Variants in RABGAP1L observed in about 807,000 individuals in gnomAD.
The protein encoded by RABGAP1L is RAB GTPase activating protein 1 like, also known as rab GTPase-activating protein 1-like.
RABGAP1L carries 63 observed loss-of-function variants against 137.7 expected under a neutral mutation model. The observed-to-expected ratio is 0.46, with a 90% CI of 0.37 to 0.56. The LOEUF is 0.56. Ranked by LOEUF, RABGAP1L falls within the 20% of genes least tolerant of loss-of-function variation. The pLI is 0.00. For missense variants in RABGAP1L, 1,095 were observed against 1,244.0 expected (o/e 0.88, Z 1.80); for synonymous variants, 431 against 433.7 (o/e 0.99, Z 0.08).
chr1:174,340,330 G>T (rs1446056376), intron 11 of RABGAP1L, among the ~76,000 whole-genome samples: 2 of 151,930 alleles, frequency 1.3e-5, no homozygotes, highest in East Asian at 3.8e-4. Flanking sequence ...CAACTTTTAA[G>T]TTCTGGGGTA....
intron 8 of RABGAP1L, among the ~76,000 whole-genome samples, chr1:174,273,807 C>A (rs1674749659): frequency 6.6e-6 from 1 of 152,078 alleles, no homozygotes; most frequent in Non-Finnish European, 1.5e-5. Flanking sequence ...TTCTGAGGCC[C>A]CTTCACTATG....
At chr1:174,825,457 T>C (rs1691470392) in intron 19 of RABGAP1L, among the ~76,000 whole-genome samples, 2 of 152,250 alleles carry the variant, frequency 1.3e-5, no homozygotes, top group South Asian at 2.1e-4. Context: ...TCTTACAAAA[T>C]TGGTTCCTGA....
chr1:174,694,305 C>T (rs1329695064), intron 15 of RABGAP1L, among the ~76,000 whole-genome samples: 8 of 151,488 alleles, frequency 5.3e-5, no homozygotes, highest in African/African-American at 1.2e-4. Context: ...CCCACTAACT[C>T]GTCATCTAGC....
chr1:174,945,700 A>G (rs1666625379), intron 19 of RABGAP1L: 1 of 152,200 alleles, frequency 6.6e-6, no homozygotes, highest in South Asian at 2.1e-4. Flanking sequence ...ATTTGTACAA[A>G]TCCATAAGGG....
At chr1:174,466,614 C>T (rs977238143) in intron 13 of RABGAP1L, among the ~76,000 whole-genome samples, 13 of 152,150 alleles carry the variant, frequency 8.5e-5, no homozygotes, top group Admixed American at 7.2e-4. Context: ...TGGTGAAACC[C>T]TGTCTCTACT....
chr1:174,665,449 G>GCCCCT (rs1448622840), intron 14 of RABGAP1L, among the ~76,000 whole-genome samples: 18 of 55,454 alleles, frequency 3.2e-4, no homozygotes, highest in African/African-American at 1.3e-3. Context: ...GCCCCGCCCC[G>GCCCCT]CCTCGCCTTG....
rs1341739489 is a variant in RABGAP1L, at chr1:174,989,832, T to A, written c.3004-17T>A. 6.5e-7 allele frequency: 1 copy of A among 1,546,788 alleles called. No individual in the cohort carries two copies. Among genetic ancestry groups the A allele is most frequent in the Non-Finnish European group, 8.7e-7 (1 of 1,144,672 alleles). On this transcript the variant is annotated splice_polypyrimidine_tract_variant and intron_variant, in intron 25 of 25. Transcript: ENST00000681986. ...AAAACATTTATTTAACTCAGATGAT[T>A]TTCTTGCTTTAATTAGGAACTTGAA...
intron 13 of RABGAP1L, among the ~76,000 whole-genome samples, chr1:174,582,268 A>G (rs1668802110): frequency 1.3e-5 from 2 of 152,194 alleles, no homozygotes; most frequent in African/African-American, 4.8e-5. Flanking sequence ...CCTGGGCAAC[A>G]GAGTAAGACT....
intron 13 of RABGAP1L, among the ~76,000 whole-genome samples, chr1:174,423,444 T>C (rs12061782): frequency 0.12 from 18,485 of 151,964 alleles, 3,773 homozygotes; most frequent in African/African-American, 0.42. Context: ...TTTATTCTGT[T>C]CTGGAAAATG....
At chr1:174,207,247 A>G (rs1359033289) in intron 1 of RABGAP1L, among the ~76,000 whole-genome samples, 3 of 152,172 alleles carry the variant, frequency 2.0e-5, no homozygotes, top group African/African-American at 7.2e-5. Flanking sequence ...GCAGTTTTGC[A>G]TTTGTACACT....
intron 1 of RABGAP1L, among the ~76,000 whole-genome samples, chr1:174,211,619 T>G (rs569022466): frequency 6.6e-6 from 1 of 152,264 alleles, no homozygotes; most frequent in African/African-American, 2.4e-5. Flanking sequence ...GAGTAAGTCC[T>G]TACTTATCAG....
chr1:174,597,483 T>C (rs1670046580), intron 13 of RABGAP1L, among the ~76,000 whole-genome samples: 1 of 152,130 alleles, frequency 6.6e-6, no homozygotes, highest in Non-Finnish European at 1.5e-5. Flanking sequence ...TCTTCTAGGT[T>C]TTCTGATTTA....
intron 11 of RABGAP1L, among the ~76,000 whole-genome samples, chr1:174,336,067 T>C (rs1348007200): frequency 6.6e-6 from 1 of 152,180 alleles, no homozygotes; most frequent in African/African-American, 2.4e-5. Context: ...CTTAAAAAAA[T>C]TTTCCCCCTG....
chr1:174,296,651 C>T (rs557541467), intron 10 of RABGAP1L, among the ~76,000 whole-genome samples: 18 of 152,126 alleles, frequency 1.2e-4, no homozygotes, highest in Middle Eastern at 3.4e-3. Flanking sequence ...ATGAGAATTT[C>T]GGAAAGTTCC....
intron 13 of RABGAP1L, among the ~76,000 whole-genome samples, chr1:174,613,550 A>C (rs1429429249): frequency 1.3e-5 from 2 of 152,102 alleles, no homozygotes; most frequent in African/African-American, 4.8e-5. Flanking sequence ...TGGGGTGGAG[A>C]GTTCTGCAGA....
chr1:174,431,394 G>A (rs372474557), intron 13 of RABGAP1L, among the ~76,000 whole-genome samples: 156 of 152,286 alleles, frequency 1.0e-3, no homozygotes, highest in African/African-American at 3.4e-3. Flanking sequence ...TAAGCCATGG[G>A]AAATGTAAGA....
At chr1:174,637,140 A>G (rs1485365124) in intron 13 of RABGAP1L, among the ~76,000 whole-genome samples, 2 of 152,014 alleles carry the variant, frequency 1.3e-5, no homozygotes, top group East Asian at 1.9e-4. Context: ...CCTTCTCCCC[A>G]TATAAACATA....
intron 19 of RABGAP1L, among the ~76,000 whole-genome samples, chr1:174,938,975 C>T (rs1665369042): frequency 6.6e-6 from 1 of 152,090 alleles, no homozygotes; most frequent in Admixed American, 6.5e-5. Flanking sequence ...AGTAGATGGA[C>T]CTTAAAGAGG....
intron 1 of RABGAP1L, among the ~76,000 whole-genome samples, chr1:174,198,144 T>C (rs1667837256): frequency 6.6e-6 from 1 of 152,216 alleles, no homozygotes; most frequent in South Asian, 2.1e-4. Context: ...ATATAGTGAT[T>C]ATTATAGTCT....
Sources: allele counts gnomAD v4.1 joint callset (sites outside exome capture counted in the v4.1 genomes callset), GRCh38; gene constraint gnomAD v4.1.1; transcripts MANE v1.5; gene names NCBI Gene and HGNC (gene_info 2026-07-23, HGNC 2026-07-21).